Variants in PCMTD2 observed in about 807,000 individuals in gnomAD.
The protein encoded by PCMTD2 is protein-L-isoaspartate (D-aspartate) O-methyltransferase domain containing 2, also known as protein-L-isoaspartate O-methyltransferase domain-containing protein 2.
In PCMTD2, 16 loss-of-function variants were observed where a neutral mutation model predicts 33.4. That is an observed-to-expected ratio of 0.48 (90% CI 0.32 to 0.73). The LOEUF (loss-of-function observed/expected upper bound fraction) is 0.73. PCMTD2 is among the 30% of genes least tolerant of loss of function. PCMTD2 has a pLI of 0.03. For synonymous variants in PCMTD2, 161 were observed against 160.8 expected, an observed-to-expected ratio of 1.00 and a Z score of -0.01; for missense variants, 374 against 449.9, an observed-to-expected ratio of 0.83 and a Z score of 1.53.
intron 4 of PCMTD2, among the ~76,000 whole-genome samples, chr20:64,267,289 TG>T (rs1268626961): frequency 6.6e-6 from 1 of 152,118 alleles, no homozygotes; most frequent in Non-Finnish European, 1.5e-5. Context: ...GGTGCTTTCG[TG>T]GGGGTGATAT....
intron 5 of PCMTD2, among the ~76,000 whole-genome samples, chr20:64,270,241 G>A (rs1310885054): frequency 7.0e-6 from 1 of 143,684 alleles, no homozygotes; most frequent in Non-Finnish European, 1.5e-5. Flanking sequence ...AGTGCACGGT[G>A]TGGGGTCGTG....
chr20:64,265,956 T>G (rs1218914186), intron 4 of PCMTD2, among the ~76,000 whole-genome samples: 2 of 152,180 alleles, frequency 1.3e-5, no homozygotes, highest in East Asian at 3.8e-4. Context: ...CTGGGAAAAA[T>G]AGTTTATAGT....
At chr20:64,272,183 G>A in intron 5 of PCMTD2, 1 of 375,412 alleles carries the variant, frequency 2.7e-6, no homozygotes, top group Middle Eastern at 3.7e-4. Context: ...GAGGGTTTCT[G>A]AAGAACAGTG....
In PCMTD2 at chr20:64,273,469, A is replaced by G. The variant is rs867066957; in HGVS notation, c.955A>G (p.Arg319Gly). The G allele has an allele frequency of 1.2e-6, 2 of 1,612,884 alleles. No individual in the cohort carries two copies. The highest frequency in any genetic ancestry group is 4.5e-5 in the East Asian group (2 of 44,876). ...NSCEDLEEERREEEEKTPPET... is the reference protein window; with the variant it reads ...NSCEDLEEERGEEEEKTPPET... ...CTGTGAAGACTTGGAAGAGGAACGG[A>G]GGGAAGAAGAAGAGAAGACCCCGCC... The change falls in exon 6 of 6, where the codon AGG becomes GGG. Residue 319 changes from arginine to glycine, a missense_variant. Physicochemically the swap from Arg to Gly is moderately radical, Grantham distance 125. Transcript: ENST00000308824.
chr20:64,267,278 C>T (rs531124566), intron 4 of PCMTD2, among the ~76,000 whole-genome samples: 2 of 152,098 alleles, frequency 1.3e-5, no homozygotes, highest in East Asian at 1.9e-4. Context: ...CACCAGATTC[C>T]GGTGCTTTCG....
At chr20:64,268,516 A>G (rs960066653) in intron 5 of PCMTD2, among the ~76,000 whole-genome samples, 2 of 152,138 alleles carry the variant, frequency 1.3e-5, no homozygotes, top group Non-Finnish European at 2.9e-5. Flanking sequence ...GTGTTTCACT[A>G]TTTCAGGATG....
In PCMTD2 at chr20:64,275,917, C is replaced by A. The variant is rs1986079371; in HGVS notation, c.*2317C>A. The A allele has an allele frequency of 6.6e-6, 1 of 152,134 alleles. No homozygotes were observed. Among genetic ancestry groups the A allele is most frequent in the Non-Finnish European group, 1.5e-5 (1 of 68,018 alleles). 9.4% of individuals were successfully genotyped at this position (152,134 alleles called of 1,614,324 possible). On this transcript the variant is annotated 3_prime_UTR_variant, in exon 6 of 6. Transcript: ENST00000308824. Reference sequence around the variant, plus strand: ...AGCATCAAATGTGTATGTAAAAATACTTTTTACCAGTCTGGAACTTGGGAA... The same window carrying A: ...AGCATCAAATGTGTATGTAAAAATAATTTTTACCAGTCTGGAACTTGGGAA...
At position 64,267,957 on chromosome 20, in the gene PCMTD2, C is replaced by G; in HGVS notation, c.653C>G (p.Pro218Arg). 3.7e-6 allele frequency: 6 copies of G among 1,613,468 alleles called. No individual in the cohort carries two copies. Among genetic ancestry groups the G allele is most frequent in the Non-Finnish European group, 5.1e-6 (6 of 1,179,444 alleles). ...TKKILAVSFA[P>R]LIQPCHSESG... is the part of the protein sequence containing the mutation. ...AAGATTCTTGCTGTTTCTTTTGCTC[C>G]TCTGATCCAGCCCTGCCATTCAGAG... Residue 218 changes from proline (P) to arginine (R), a missense_variant, in exon 5 of 6, where the codon CCT (proline) becomes CGT (arginine). By Grantham distance (103) the Pro-to-Arg change is moderately radical (BLOSUM62 -2). Coordinates refer to ENST00000308824, the MANE Select transcript of PCMTD2 (RefSeq NM_018257.3).
At chr20:64,269,718 G>A (rs112053562) in intron 5 of PCMTD2, among the ~76,000 whole-genome samples, 1 of 151,922 alleles carries the variant, frequency 6.6e-6, no homozygotes, top group African/African-American at 2.4e-5. Flanking sequence ...GTGGTGTGGG[G>A]TCGTGAGAGT....
chr20:64,264,609 C>G (rs1288160670), intron 3 of PCMTD2, 78 bp downstream of exon 3: 1 of 754,638 alleles, frequency 1.3e-6, no homozygotes. Context: ...AGAAAGAAAT[C>G]ATGTGGTAGG....
At chr20:64,268,723 TAC>T (rs756260477) in intron 5 of PCMTD2, among the ~76,000 whole-genome samples, 4 of 118,694 alleles carry the variant, frequency 3.4e-5, no homozygotes, top group African/African-American at 7.1e-5. Flanking sequence ...TGCATAGTCT[TAC>T]AAAAAAAAAA....
chr20:64,265,725 T>G, intron 4 of PCMTD2: 1 of 311,198 alleles, frequency 3.2e-6, no homozygotes, highest in Non-Finnish European at 5.9e-6. Context: ...CTTCCCCTTC[T>G]CCTTCCCCCC....
chr20:64,269,700 A>G (rs889381076), intron 5 of PCMTD2, among the ~76,000 whole-genome samples: 9 of 151,656 alleles, frequency 5.9e-5, no homozygotes, highest in Non-Finnish European at 8.8e-5. Context: ...AAGTGAGTGT[A>G]GACGTGTGTG....
chr20:64,269,754 G>C (rs1301300837), intron 5 of PCMTD2, among the ~76,000 whole-genome samples: 1 of 151,106 alleles, frequency 6.6e-6, no homozygotes, highest in Non-Finnish European at 1.5e-5. Context: ...GTGGGGTCAT[G>C]TGTGGACATT....
At chr20:64,262,144 C>T (rs892429339) in intron 2 of PCMTD2, among the ~76,000 whole-genome samples, 1 of 152,184 alleles carries the variant, frequency 6.6e-6, no homozygotes, top group Admixed American at 6.5e-5. Flanking sequence ...ATCCCAGCTA[C>T]TCAGGAGGCT....
intron 5 of PCMTD2, chr20:64,271,925 G>A (rs1393917264): frequency 3.2e-6 from 1 of 311,362 alleles, no homozygotes; most frequent in Non-Finnish European, 6.5e-6. Context: ...GAAGTAATCT[G>A]TCTAGATGTG....
At chr20:64,259,288 A>G (rs1000131539) in intron 1 of PCMTD2, among the ~76,000 whole-genome samples, 7 of 151,860 alleles carry the variant, frequency 4.6e-5, no homozygotes, top group Non-Finnish European at 7.4e-5. Flanking sequence ...AACAGGTCAG[A>G]TGGATTGCTT....
chr20:64,266,761 TG>T (rs1328829354), intron 4 of PCMTD2, among the ~76,000 whole-genome samples: 1 of 152,246 alleles, frequency 6.6e-6, no homozygotes, highest in Non-Finnish European at 1.5e-5. Context: ...GATTTTTTAT[TG>T]GAATTGTATC....
In PCMTD2 at chr20:64,273,361, C is replaced by G; in HGVS notation, c.847C>G (p.Arg283Gly). ...CCCCAGGTTTAAACGAAGGAGAGTT[C>G]GCCGCCGTCGAATGGAAACGATTGT... ...NTPRFKRRRV[R>G]RRRMETIVFL... The change falls in exon 6 of 6, where the codon CGC (arginine) becomes GGC (glycine). Residue 283 changes from arginine (R) to glycine (G), a missense_variant. Arg to Gly is a moderately radical substitution (Grantham distance 125). Transcript: ENST00000308824. 1 of 1,614,154 alleles carries G rather than the reference C, an allele frequency of 6.2e-7. No individual in the cohort carries two copies. The highest frequency in any genetic ancestry group is 8.5e-7 in the Non-Finnish European group (1 of 1,179,998).
Sources: allele counts gnomAD v4.1 joint callset (sites outside exome capture counted in the v4.1 genomes callset), GRCh38; gene constraint gnomAD v4.1.1; transcripts MANE v1.5; gene names NCBI Gene and HGNC (gene_info 2026-07-23, HGNC 2026-07-21).